Variants in TRIM2 observed in about 807,000 individuals in gnomAD.
TRIM2 encodes tripartite motif containing 2.
TRIM2 carries 20 observed loss-of-function variants against 75.2 expected under a neutral mutation model. The ratio of observed to expected loss-of-function variants is 0.27; its 90% CI spans 0.19 to 0.39. TRIM2 has a LOEUF of 0.39. Ranked by LOEUF, TRIM2 falls within the 10% of genes least tolerant of loss-of-function variation. TRIM2 has a pLI of 1.00. For synonymous variants in TRIM2, 373 were observed against 388.3 expected (o/e 0.96, Z 0.46); for missense variants, 660 against 990.8 (o/e 0.67, Z 4.48).
intron 11 of TRIM2, among the ~76,000 whole-genome samples, chr4:153,330,319 C>T (rs1238841046): frequency 1.3e-5 from 2 of 152,110 alleles, no homozygotes; most frequent in East Asian, 3.8e-4. Flanking sequence ...TTCCAATCAG[C>T]TTTTGAAGCC....
At chr4:153,252,478 G>A (rs1340307178) in intron 1 of TRIM2, among the ~76,000 whole-genome samples, 1 of 152,120 alleles carries the variant, frequency 6.6e-6, no homozygotes, top group African/African-American at 2.4e-5. Flanking sequence ...CCCGTTTCTG[G>A]GTTAGCTTTG....
chr4:153,198,627 C>T (rs1325743906), intron 1 of TRIM2, among the ~76,000 whole-genome samples: 1 of 152,194 alleles, frequency 6.6e-6, no homozygotes, highest in African/African-American at 2.4e-5. Flanking sequence ...CACCCAGTTC[C>T]ATTCACCATA....
chr4:153,271,797 T>C (rs926336590), intron 2 of TRIM2, among the ~76,000 whole-genome samples: 2 of 152,208 alleles, frequency 1.3e-5, no homozygotes, highest in African/African-American at 2.4e-5. Flanking sequence ...GGAAGATCGT[T>C]ACCTGATGTG....
intron 10 of TRIM2, 60 bp from the exon 11 acceptor site, chr4:153,328,470 C>T: frequency 2.8e-5 from 39 of 1,412,976 alleles, no homozygotes; most frequent in South Asian, 5.7e-5. Flanking sequence ...TTTTTTAATC[C>T]ATCATGTTGG....
At position 153,294,603 on chromosome 4, in the gene TRIM2, A is replaced by C. The variant is rs930522188; in HGVS notation, c.786+118A>C. The C allele has an allele frequency of 4.4e-5, 47 of 1,068,832 alleles. No homozygotes were observed. The African/African-American group carries it at 6.1e-4, about 14-fold the overall frequency. 66.2% of individuals were successfully genotyped at this position (1,068,832 alleles called of 1,614,324 possible). A position where few individuals can be genotyped will look rare whatever the true frequency, so the allele number is the denominator to read the frequency against. The stretch of plus-strand genomic sequence containing the variant: ...GTGTCATCATTGTATAGTAAACTAT[A>C]GTTTTCACTGAATGTAATATCCAGC... On this transcript the variant is annotated intron_variant, in intron 5 of 11. Transcript: ENST00000338700.
At chr4:153,175,432 C>T (rs1432837009) in intron 1 of TRIM2, among the ~76,000 whole-genome samples, 8 of 151,910 alleles carry the variant, frequency 5.3e-5, no homozygotes, top group African/African-American at 1.9e-4. Context: ...CTCACACTGC[C>T]GTGATGGTGG....
rs886130287 is a variant in TRIM2 at position 153,280,810 on chromosome 4, G to A, written c.453+4680G>A. Among the ~76,000 whole-genome samples the A allele has an allele frequency of 4.6e-5, 7 of 151,880 alleles. 1 individual carries two copies. Among genetic ancestry groups the A allele is most frequent in the Non-Finnish European group, 1.5e-5 (1 of 67,990 alleles). The stretch of plus-strand genomic sequence containing the variant: ...CACCATTCTCCTGCCTCAGCCGCCC[G>A]AGTAGCTGGGACTACAGATGCCCGC... On this transcript the variant is annotated intron_variant, in intron 3 of 11. Coordinates refer to ENST00000338700, the MANE Select transcript of TRIM2 (RefSeq NM_015271.5).
At chr4:153,222,781 C>G (rs1740963932) in intron 1 of TRIM2, 1 of 152,234 alleles carries the variant, frequency 6.6e-6, no homozygotes, top group African/African-American at 2.4e-5. Flanking sequence ...CTACTTGAGC[C>G]GCTCGCTCAG....
intron 1 of TRIM2, among the ~76,000 whole-genome samples, chr4:153,177,154 T>C (rs967079006): frequency 1.3e-5 from 2 of 152,198 alleles, no homozygotes; most frequent in Non-Finnish European, 2.9e-5. Context: ...ACATTCCAGC[T>C]GGCAGGAAGG....
At chr4:153,177,641 T>G (rs564850959) in intron 1 of TRIM2, among the ~76,000 whole-genome samples, 69 of 150,390 alleles carry the variant, frequency 4.6e-4, no homozygotes, top group African/African-American at 1.6e-3. Flanking sequence ...GCAAGACTCC[T>G]TCTCCAAAAA....
chr4:153,184,414 C>T (rs745858665), intron 1 of TRIM2, among the ~76,000 whole-genome samples: 9 of 152,126 alleles, frequency 5.9e-5, no homozygotes, highest in Non-Finnish European at 7.3e-5. Flanking sequence ...AAACCAGGGT[C>T]CAGCCTTATG....
intron 1 of TRIM2, among the ~76,000 whole-genome samples, chr4:153,178,733 C>T (rs1731737378): frequency 6.6e-6 from 1 of 152,160 alleles, no homozygotes; most frequent in African/African-American, 2.4e-5. Context: ...CTGAGAGGCC[C>T]TCTGTTCCTG....
At chr4:153,329,944 C>G (rs891284029) in intron 11 of TRIM2, among the ~76,000 whole-genome samples, 1 of 151,548 alleles carries the variant, frequency 6.6e-6, no homozygotes. Context: ...CCAACAAAAC[C>G]CTAGCAAGAC....
intron 1 of TRIM2, among the ~76,000 whole-genome samples, chr4:153,187,532 A>G (rs1041497505): frequency 1.3e-5 from 2 of 152,194 alleles, no homozygotes; most frequent in Admixed American, 1.3e-4. Flanking sequence ...GAGTGCAGGA[A>G]TGGATAAGAG....
Position 153,315,440 on chromosome 4 carries a change from TA to T in TRIM2, c.1511-43del, listed in dbSNP as rs1308343037. On this transcript the variant is annotated intron_variant, in intron 6 of 11. Coordinates refer to ENST00000338700, the MANE Select transcript of TRIM2 (RefSeq NM_015271.5). ...ATTCTCTTGCTGAAACAGAGAAATC[TA>T]ACCCTTTAGTGCTTAATTTTTATGA... 1.2e-5 allele frequency: 18 copies of T among 1,451,688 alleles called. 1 individual carries two copies. The highest frequency in any genetic ancestry group is 1.7e-5 in the Non-Finnish European group (18 of 1,061,918). 89.9% of individuals were successfully genotyped at this position (1,451,688 alleles called of 1,614,324 possible).
At chr4:153,249,745 T>C (rs569948115) in intron 1 of TRIM2, among the ~76,000 whole-genome samples, 21 of 152,288 alleles carry the variant, frequency 1.4e-4, no homozygotes, top group African/African-American at 4.3e-4. Flanking sequence ...CAAGGTAAAC[T>C]GGTGAGGCAA....
chr4:153,196,148 G>A lies in TRIM2; in HGVS notation c.-49+42878G>A, dbSNP rs183897151. On this transcript the variant is annotated intron_variant, in intron 1 of 11. Coordinates refer to the TRIM2 transcript ENST00000437508. ...TTTGAGAAGTTAATGAACATTGGCC[G>A]GGCAGGGTGGCTCACACCTGTAATC... Among the ~76,000 whole-genome samples the A allele has an allele frequency of 4.4e-3, 672 of 152,278 alleles. 5 individuals carry two copies. Among genetic ancestry groups the A allele is most frequent in the African/African-American group, 0.015 (603 of 41,556 alleles).
At chr4:153,274,467 G>A (rs1757574843) in intron 2 of TRIM2, among the ~76,000 whole-genome samples, 1 of 152,140 alleles carries the variant, frequency 6.6e-6, no homozygotes, top group Non-Finnish European at 1.5e-5. Context: ...TAATGGGTTT[G>A]GTTTTGTTCA....
In TRIM2 at chr4:153,336,586, T is replaced by G; in HGVS notation, c.*1620T>G. 1 of 985,870 alleles carries G rather than the reference T, an allele frequency of 1.0e-6. No homozygotes were observed. The highest frequency in any genetic ancestry group is 1.2e-6 in the Non-Finnish European group (1 of 829,928). The allele number at this position is 985,870 out of a possible 1,614,324, so 61.1% of individuals were successfully genotyped here. A position where few individuals can be genotyped will look rare whatever the true frequency, so the allele number is the denominator to read the frequency against. On this transcript the variant is annotated 3_prime_UTR_variant, in exon 12 of 12. Coordinates refer to ENST00000338700, the MANE Select transcript of TRIM2 (RefSeq NM_015271.5). ...ATGTCATGTTTGACATTTTTGATAG[T>G]GACTTTGGGGTCTTCTTCACTGAAA...
Sources: allele counts gnomAD v4.1 joint callset (sites outside exome capture counted in the v4.1 genomes callset), GRCh38; gene constraint gnomAD v4.1.1; transcripts MANE v1.5; gene names NCBI Gene and HGNC (gene_info 2026-07-23, HGNC 2026-07-21).